Variants in DOT1L observed in about 807,000 individuals in gnomAD.
DOT1L encodes the protein histone-lysine N-methyltransferase, H3 lysine-79 specific.
A neutral mutation model predicts 153.3 loss-of-function variants in DOT1L; 33 were observed. The observed-to-expected ratio is 0.22, with a 90% confidence interval of 0.16 to 0.29. The LOEUF is 0.29. Among genes scored for constraint, DOT1L ranks in the 10% least tolerant of loss-of-function variants. The probability of loss-of-function intolerance (pLI) is 1.00; values close to 1 mark genes in which losing one functional copy is unlikely to be tolerated. For synonymous variants in DOT1L, 1,135 were observed against 965.1 expected (o/e 1.18, Z -3.26); for missense variants, 1,847 against 2,119.9 (o/e 0.87, Z 2.53).
chr19:2,223,670 G>C (rs908395259), intron 25 of DOT1L, among the ~76,000 whole-genome samples, 184 bp downstream of exon 25: 1 of 152,174 alleles, frequency 6.6e-6, no homozygotes, highest in Non-Finnish European at 1.5e-5. Context: ...GTTCCGGGCA[G>C]GGCCGGCCTC....
chr19:2,227,892 G>C (rs758779772), intron 27 of DOT1L: 1 of 1,262,508 alleles, frequency 7.9e-7, no homozygotes, highest in African/African-American at 1.6e-5. Flanking sequence ...GGCCTCGGTT[G>C]AGACCCGGCC....
chr19:2,200,009 G>A (rs1020265311), intron 8 of DOT1L, 70 bp downstream of exon 8: 11 of 1,577,302 alleles, frequency 7.0e-6, no homozygotes, highest in African/African-American at 2.7e-5. Flanking sequence ...CCATGGCACC[G>A]GGGACCGGGA....
At chr19:2,213,723 T>C (rs1188566137) in intron 17 of DOT1L, 83 bp downstream of exon 17, 35 of 1,601,408 alleles carry the variant, frequency 2.2e-5, no homozygotes, top group Non-Finnish European at 3.0e-5. Flanking sequence ...TGGCTTCCTG[T>C]GGCTTCCTGT....
intron 9 of DOT1L, among the ~76,000 whole-genome samples, chr19:2,203,901 T>C (rs1319733329): frequency 6.6e-6 from 1 of 152,222 alleles, no homozygotes; most frequent in Non-Finnish European, 1.5e-5. Flanking sequence ...ACTGCTGGGC[T>C]CGAAGACAGG....
intron 18 of DOT1L, 25 bp downstream of exon 18, chr19:2,214,011 G>A: frequency 1.9e-6 from 3 of 1,607,956 alleles, no homozygotes; most frequent in Non-Finnish European, 2.5e-6. Context: ...GCAAGGACAG[G>A]GACGTGGAAC....
At chr19:2,228,232 C>T (rs1432818709) in intron 27 of DOT1L, 1 of 1,362,850 alleles carries the variant, frequency 7.3e-7, no homozygotes. Context: ...CTGGCCCTGG[C>T]CCAGGCCGCG....
intron 7 of DOT1L, among the ~76,000 whole-genome samples, chr19:2,198,720 C>G (rs2023124380): frequency 6.6e-6 from 1 of 152,198 alleles, no homozygotes; most frequent in Non-Finnish European, 1.5e-5. Flanking sequence ...GCCCTCACCC[C>G]CAACTACTCC....
At chr19:2,181,757 C>CCCAGCA (rs576345045) in intron 2 of DOT1L, among the ~76,000 whole-genome samples, 13 of 149,426 alleles carry the variant, frequency 8.7e-5, no homozygotes, top group African/African-American at 3.0e-4. Flanking sequence ...CCAGCCCCCG[C>CCCAGCA]CCAGCACCAG....
intron 1 of DOT1L, among the ~76,000 whole-genome samples, chr19:2,173,076 G>A (rs1049799028): frequency 6.6e-6 from 1 of 152,028 alleles, no homozygotes; most frequent in East Asian, 1.9e-4. Flanking sequence ...ATTCCAGAAC[G>A]TTCTAATCAC....
At chr19:2,181,835 C>A (rs1214168542) in intron 2 of DOT1L, among the ~76,000 whole-genome samples, 1 of 152,152 alleles carries the variant, frequency 6.6e-6, no homozygotes, top group Admixed American at 6.5e-5. Flanking sequence ...AGCCGCCTCT[C>A]TCTGCCTGGG....
intron 23 of DOT1L, chr19:2,221,671 G>A (rs2024120241): frequency 7.0e-6 from 3 of 426,728 alleles, no homozygotes; most frequent in Non-Finnish European, 1.3e-5. Context: ...TTACTCAGAG[G>A]AAGCCTAGCT....
At chr19:2,228,988 C>T (rs2024486005) in intron 27 of DOT1L, 2 of 985,294 alleles carry the variant, frequency 2.0e-6, no homozygotes, top group Non-Finnish European at 2.4e-6. Context: ...AAGCTCTGTG[C>T]CCTGCGTGTT....
intron 9 of DOT1L, among the ~76,000 whole-genome samples, chr19:2,206,521 CAAAAA>C (rs5826758): frequency 2.5e-5 from 2 of 80,712 alleles, no homozygotes; most frequent in Non-Finnish European, 2.5e-5. Context: ...GACTCTGTCT[CAAAAA>C]AAAAAAAAAA....
Position 2,216,359 on chromosome 19 carries a change from G to T in DOT1L, c.2002G>T (p.Ala668Ser). The change falls in exon 20 of 28, where the codon GCC becomes TCC. Residue 668 changes from alanine (A) to serine (S), a missense_variant. By Grantham distance (99) the Ala-to-Ser change is moderately conservative. Around this residue, in one of 8 missense-constraint regions of DOT1L, gnomAD observed 281 missense variants for 263.6 expected, o/e 1.07. Coordinates refer to ENST00000398665, the MANE Select transcript of DOT1L (RefSeq NM_032482.3). ...QLKSCVPPDDALSLHLRGKGA... is the reference protein window; with the variant it reads ...QLKSCVPPDDSLSLHLRGKGA... ...CAAGTCCTGTGTGCCGCCTGACGAC[G>T]CCCTGTCCCTGCACCTGCGTGGGAA... The T allele has an allele frequency of 6.2e-7, 1 of 1,610,902 alleles. No homozygotes were observed.
chr19:2,165,787 G>A (rs1418073830), intron 1 of DOT1L, among the ~76,000 whole-genome samples: 1 of 105,140 alleles, frequency 9.5e-6, no homozygotes, highest in Non-Finnish European at 2.0e-5. Context: ...TTTTTTTTTT[G>A]AGACGGAGTC....
Position 2,230,648 on chromosome 19 carries a change from AT to A in DOT1L, c.*860del, listed in dbSNP as rs2024561031. ...GAGAGTCACACTAATGAGTGGCAGT[AT>A]TTTATAGAGATGTGATGAGAATTTA... is the stretch of plus-strand genomic sequence containing the variant. On this transcript the variant is annotated 3_prime_UTR_variant, in exon 28 of 28. Coordinates refer to ENST00000398665, the MANE Select transcript of DOT1L (RefSeq NM_032482.3). 2.5e-6 allele frequency: 1 copy of A among 398,420 alleles called. No homozygotes were observed. The highest frequency in any genetic ancestry group is 1.3e-4 in the South Asian group (1 of 7,816). The allele number at this position is 398,420 out of a possible 1,614,324, so 24.7% of individuals were successfully genotyped here.
Position 2,208,875 on chromosome 19 carries a change from G to A in DOT1L, c.964-60G>A. ...GTTGCTGTTGTTACCTGGGTGTCCA[G>A]ACAAATCCGAACAGAGATTGGGACT... On this transcript the variant is annotated intron_variant, in intron 11 of 27. Transcript: ENST00000398665. The surrounding 1 kb of genome is among the most constrained non-coding windows in gnomAD (Gnocchi z 4.4). The A allele has an allele frequency of 5.1e-6, 8 of 1,577,730 alleles. No individual in the cohort carries two copies. The highest frequency in any genetic ancestry group is 6.9e-6 in the Non-Finnish European group (8 of 1,155,658).
rs555920843 is a variant in DOT1L, at chr19:2,228,822, C to T, written c.4607-963C>T. The T allele has an allele frequency of 9.6e-4, 943 of 985,350 alleles. 1 individual carries two copies. The highest frequency in any genetic ancestry group is 1.5e-3 in the African/African-American group (85 of 57,336). The allele number at this position is 985,350 out of a possible 1,614,324, so 61.0% of individuals were successfully genotyped here. On this transcript the variant is annotated intron_variant, in intron 27 of 27. Transcript: ENST00000398665. ...GCCCAGCATGTAGCAGGCACGGTGC[C>T]GGCTGCAGAGGTCCTGGAGAGCCAG... is the stretch of plus-strand genomic sequence containing the variant.
At position 2,222,672 on chromosome 19, in the gene DOT1L, G is replaced by C; in HGVS notation, c.3390+113G>C. 9.5e-7 allele frequency: 1 copy of C among 1,048,690 alleles called. No homozygotes were observed. The highest frequency in any genetic ancestry group is 1.3e-6 in the Non-Finnish European group (1 of 747,398). The allele number at this position is 1,048,690 out of a possible 1,614,324, so 65.0% of individuals were successfully genotyped here. ...TCCCAGCATTTTGGGAGGCCGAGGC[G>C]GGTGGATCACAAGATCAGGACATCA... On this transcript the variant is annotated intron_variant, in intron 24 of 27. Transcript: ENST00000398665. The surrounding 1 kb of genome is among the most constrained non-coding windows in gnomAD (Gnocchi z 6.5).
Sources: allele counts gnomAD v4.1 joint callset (sites outside exome capture counted in the v4.1 genomes callset), GRCh38; gene constraint gnomAD v4.1.1; regional missense constraint gnomAD v4.1.1; non-coding constraint Gnocchi (gnomAD v3.1); transcripts MANE v1.5; gene names NCBI Gene and HGNC (gene_info 2026-07-23, HGNC 2026-07-21).